Variants in DDX55 observed in about 807,000 individuals in gnomAD.
DDX55 encodes the protein DEAD-box helicase 55.
In DDX55, 56 loss-of-function variants were observed where a neutral mutation model predicts 69.2. That is an observed-to-expected ratio of 0.81 (90% CI 0.65 to 1.01). The LOEUF is 1.01. DDX55 is among the 50% of genes least tolerant of loss of function. The pLI, the probability that DDX55 is intolerant of heterozygous loss-of-function variation, is 0.00. For synonymous variants in DDX55, 268 were observed against 273.1 expected, an observed-to-expected ratio of 0.98 and a Z score of 0.18; for missense variants, 720 against 745.1, an observed-to-expected ratio of 0.97 and a Z score of 0.39.
Position 123,620,912 on chromosome 12 carries a change from C to T in DDX55, c.*772C>T, listed in dbSNP as rs1955084170. On this transcript the variant is annotated 3_prime_UTR_variant, in exon 14 of 14. Coordinates refer to ENST00000238146, the MANE Select transcript of DDX55 (RefSeq NM_020936.3). ...AAGAGAATTATAGTTTTTATGCCTCCTGTTGAATAAATGGTGTCCTGATTG... is the reference window on the plus strand; with the variant it reads ...AAGAGAATTATAGTTTTTATGCCTCTTGTTGAATAAATGGTGTCCTGATTG... The T allele has an allele frequency of 6.6e-6, 1 of 151,900 alleles. No individual in the cohort carries two copies. The highest frequency in any genetic ancestry group is 2.4e-5 in the African/African-American group (1 of 41,322). 9.4% of individuals were successfully genotyped at this position (151,900 alleles called of 1,614,324 possible).
chr12:123,612,839 G>A (rs116112924), intron 7 of DDX55, among the ~76,000 whole-genome samples: 2 of 148,956 alleles, frequency 1.3e-5, no homozygotes, highest in African/African-American at 5.0e-5. Context: ...AAAAAAAGAA[G>A]AAAAAAAAAG....
chr12:123,620,006 G>A lies in DDX55; in HGVS notation c.1669G>A (p.Asp557Asn), dbSNP rs200607736. The A allele has an allele frequency of 6.2e-6, 10 of 1,613,972 alleles. No individual in the cohort carries two copies. The highest frequency in any genetic ancestry group is 5.0e-5 in the Admixed American group (3 of 59,988). ...EDEDMEELLN[D>N]TRLLKKLKKG... ...TGAGGACATGGAAGAACTTCTTAAT[G>A]ACACAAGACTCTTGAAAAAACTTAA... The change falls in exon 14 of 14, where the codon GAC becomes AAC. Residue 557 changes from aspartate to asparagine, a missense_variant. Transcript: ENST00000238146.
In DDX55 at chr12:123,602,123, C is replaced by T. The variant is rs2135675021; in HGVS notation, c.-26C>T. 1 of 1,534,018 alleles carries T rather than the reference C, an allele frequency of 6.5e-7. No individual in the cohort carries two copies. ...TGCACAAGGCGCGTTCGAGCAGCGG[C>T]GACCGACGCGGCGAAGGAGCGCGCC... On this transcript the variant is annotated 5_prime_UTR_variant, in exon 1 of 14. Transcript: ENST00000238146.
intron 1 of DDX55, 88 bp from the exon 2 acceptor site, chr12:123,605,843 T>C: frequency 1.3e-6 from 2 of 1,573,766 alleles, no homozygotes; most frequent in South Asian, 1.1e-5. Flanking sequence ...ACTGTGACCT[T>C]AGCTGCCCAT....
At chr12:123,615,153 C>T in intron 8 of DDX55, 32 bp from the exon 9 acceptor site, 3 of 1,612,844 alleles carry the variant, frequency 1.9e-6, no homozygotes, top group Non-Finnish European at 2.5e-6. Context: ...CCAAAGTGGC[C>T]AATGACTCTA....
chr12:123,613,096 C>T, intron 7 of DDX55, 74 bp from the exon 8 acceptor site: 1 of 1,505,828 alleles, frequency 6.6e-7, no homozygotes, highest in African/African-American at 1.4e-5. Context: ...AAATTTAATG[C>T]TGAAACTGAA....
chr12:123,613,024 G>A, intron 7 of DDX55, 146 bp from the exon 8 acceptor site: 1 of 748,992 alleles, frequency 1.3e-6, no homozygotes, highest in Middle Eastern at 3.8e-4. Flanking sequence ...TTCTGAGCTA[G>A]GTAGACCAGT....
chr12:123,607,452 C>A lies in DDX55; in HGVS notation c.267C>A (p.Thr89=). Residue 89 remains threonine (T), a synonymous_variant, in exon 4 of 14, where the codon ACC becomes ACA. Transcript: ENST00000238146. ...GGTAGGTTGGAGCCATAATCATCAC[C>A]CCCACTCGAGAGCTGGCCATTCAAA... ...KKSQVGAIII[T]PTRELAIQID... is the part of the protein sequence containing the mutation. The A allele has an allele frequency of 6.2e-7, 1 of 1,614,104 alleles. No individual in the cohort carries two copies. Among genetic ancestry groups the A allele is most frequent in the Non-Finnish European group, 8.5e-7 (1 of 1,180,024 alleles).
Position 123,620,240 on chromosome 12 carries a change from C to A in DDX55, c.*100C>A. 1.7e-6 allele frequency: 2 copies of A among 1,185,376 alleles called. No individual in the cohort carries two copies. The highest frequency in any genetic ancestry group is 2.4e-6 in the Non-Finnish European group (2 of 847,684). The allele number at this position is 1,185,376 out of a possible 1,614,324, so 73.4% of individuals were successfully genotyped here. A position where few individuals can be genotyped will look rare whatever the true frequency, so the allele number is the denominator to read the frequency against. ...CGAAAATCACAACTTCAGGAGACAT[C>A]TGAAAAGAATGATGTCTCTGAAAGC... is the stretch of plus-strand genomic sequence containing the variant. On this transcript the variant is annotated 3_prime_UTR_variant, in exon 14 of 14. Coordinates refer to ENST00000238146, the MANE Select transcript of DDX55 (RefSeq NM_020936.3).
In DDX55 at chr12:123,606,258, G is replaced by A. The variant is rs571514249; in HGVS notation, c.246+99G>A. The A allele has an allele frequency of 8.9e-5, 127 of 1,431,922 alleles. 1 individual carries two copies. In the South Asian group the frequency reaches 1.3e-3, roughly 14 times the overall value. The allele number at this position is 1,431,922 out of a possible 1,614,324, so 88.7% of individuals were successfully genotyped here. ...AATGTGAAAAAATAGGCCAGAAGCC[G>A]TGGCTCACGCCTGTAATCCCAGCAC... On this transcript the variant is annotated intron_variant, in intron 3 of 13. Coordinates refer to ENST00000238146, the MANE Select transcript of DDX55 (RefSeq NM_020936.3).
rs1416900459 is a variant in DDX55 at position 123,605,967 on chromosome 12, G to A, written c.145G>A (p.Val49Ile). ...CCCTCTGTTCATGCGAAACAAAGAT[G>A]TCGCTGCAGAAGCGGTGAGTGCCTC... ...TIPLFMRNKD[V>I]AAEAVTGSGK... is the part of the protein sequence containing the mutation. The change falls in exon 2 of 14, where the codon GTC (valine) becomes ATC (isoleucine). Residue 49 changes from valine (V) to isoleucine (I), a missense_variant. Transcript: ENST00000238146. The A allele has an allele frequency of 6.2e-7, 1 of 1,614,170 alleles. No individual in the cohort carries two copies. The highest frequency in any genetic ancestry group is 1.7e-5 in the Admixed American group (1 of 60,020).
Position 123,618,842 on chromosome 12 carries a change from G to A in DDX55, c.1333+5G>A. On this transcript the variant is annotated splice_donor_5th_base_variant and intron_variant, in intron 12 of 13. Coordinates refer to ENST00000238146, the MANE Select transcript of DDX55 (RefSeq NM_020936.3). ...ACCTGATTTTCAGATTAAAGGGTAA[G>A]TTGGACTTCTTCATGTGATAATGTC... The A allele has an allele frequency of 1.2e-6, 2 of 1,613,532 alleles. No homozygotes were observed. The highest frequency in any genetic ancestry group is 1.3e-5 in the African/African-American group (1 of 75,034).
chr12:123,607,653 A>AGCAACAAGGGTGAGTTT lies in DDX55; in HGVS notation c.395_401+10dup. On this transcript the variant is annotated stop_gained and frameshift_variant, in exon 5 of 14. Coordinates refer to ENST00000238146, the MANE Select transcript of DDX55 (RefSeq NM_020936.3). LOFTEE classifies it high-confidence loss of function. ...CCTGGAGAAGATGTTGAGAGGTTTA[A>AGCAACAAGGGTGAGTTT]GCAACAAGGGTGAGTTTGCTCGTGT... 6.2e-7 allele frequency: 1 copy of AGCAACAAGGGTGAGTTT among 1,614,132 alleles called. No individual in the cohort carries two copies. Among genetic ancestry groups the AGCAACAAGGGTGAGTTT allele is most frequent in the Non-Finnish European group, 8.5e-7 (1 of 1,180,042 alleles).
intron 1 of DDX55, among the ~76,000 whole-genome samples, chr12:123,602,920 C>T (rs1953656890): frequency 6.6e-6 from 1 of 152,176 alleles, no homozygotes; most frequent in African/African-American, 2.4e-5. Context: ...GTGCATTGAG[C>T]TGAGACCTCA....
chr12:123,618,657 G>T lies in DDX55; in HGVS notation c.1165-12G>T. On this transcript the variant is annotated splice_polypyrimidine_tract_variant and intron_variant, in intron 11 of 13. Coordinates refer to ENST00000238146, the MANE Select transcript of DDX55 (RefSeq NM_020936.3). ...CAGGGAAGGTGAGAATGTGGTATGT[G>T]TGTGTGTGTAGTGCCCCCTGCAGGA... The T allele has an allele frequency of 2.5e-6, 4 of 1,612,670 alleles. No homozygotes were observed. Among genetic ancestry groups the T allele is most frequent in the Non-Finnish European group, 3.4e-6 (4 of 1,179,164 alleles).
chr12:123,617,668 C>G (rs954376484), intron 10 of DDX55, 90 bp from the exon 11 acceptor site: 1 of 1,177,890 alleles, frequency 8.5e-7, no homozygotes, highest in African/African-American at 1.6e-5. Flanking sequence ...CTCCCCAGAG[C>G]GTTTTAGCTG....
intron 12 of DDX55, 53 bp downstream of exon 12, chr12:123,618,890 C>A: frequency 6.3e-7 from 1 of 1,590,830 alleles, no homozygotes; most frequent in Non-Finnish European, 8.6e-7. Flanking sequence ...ATGTGGTGGT[C>A]TTACAAGTAT....
chr12:123,607,845 G>A (rs1953987572), intron 5 of DDX55, 183 bp downstream of exon 5: 1 of 734,690 alleles, frequency 1.4e-6, no homozygotes, highest in Admixed American at 2.6e-5. Flanking sequence ...AGGCCCTGAT[G>A]AGAACTTCAC....
chr12:123,609,820 T>G, intron 6 of DDX55, 119 bp from the exon 7 acceptor site: 1 of 1,208,170 alleles, frequency 8.3e-7, no homozygotes, highest in Non-Finnish European at 1.1e-6. Flanking sequence ...GTGTATGTGC[T>G]ATAAATATTT....
Sources: allele counts gnomAD v4.1 joint callset (sites outside exome capture counted in the v4.1 genomes callset), GRCh38; gene constraint gnomAD v4.1.1; transcripts MANE v1.5; gene names NCBI Gene and HGNC (gene_info 2026-07-23, HGNC 2026-07-21).